ARMC9: variants seen among roughly 807,000 people sequenced by gnomAD.
The protein encoded by ARMC9 is lisH domain-containing protein ARMC9.
ARMC9 carries 94 observed loss-of-function variants against 107.0 expected under a neutral mutation model. The observed-to-expected ratio is 0.88, with a 90% CI of 0.74 to 1.04. The LOEUF (loss-of-function observed/expected upper bound fraction) is 1.04, where lower values mean the gene tolerates loss of function less well. ARMC9 is among the 50% of genes least tolerant of loss of function. The probability of loss-of-function intolerance (pLI) is 0.00; values close to 1 mark genes in which losing one functional copy is unlikely to be tolerated. For synonymous variants in ARMC9, 380 were observed against 396.9 expected (o/e 0.96, Z 0.51); for missense variants, 942 against 1,030.1 (o/e 0.91, Z 1.17).
chr2:231,279,148 G>A (rs1466240165), intron 16 of ARMC9, among the ~76,000 whole-genome samples: 1 of 152,160 alleles, frequency 6.6e-6, no homozygotes, highest in Non-Finnish European at 1.5e-5. Context: ...TCAGTTTCAG[G>A]TCACTGAGTC....
chr2:231,357,177 C>T (rs1266352989), intron 22 of ARMC9, among the ~76,000 whole-genome samples: 1 of 152,152 alleles, frequency 6.6e-6, no homozygotes, highest in African/African-American at 2.4e-5. Context: ...AAGTCTGGGC[C>T]CAGGCACATT....
chr2:231,258,101 C>G (rs1237155324), intron 10 of ARMC9, among the ~76,000 whole-genome samples: 1 of 152,312 alleles, frequency 6.6e-6, no homozygotes, highest in East Asian at 1.9e-4. Context: ...CAACCCATCT[C>G]CTGCCTATGT....
At chr2:231,252,243 T>C (rs1389939743) in intron 9 of ARMC9, among the ~76,000 whole-genome samples, 1 of 152,194 alleles carries the variant, frequency 6.6e-6, no homozygotes, top group Non-Finnish European at 1.5e-5. Context: ...CTTTATATAT[T>C]ATGGTAATAT....
At chr2:231,209,783 G>A (rs922121021) in intron 3 of ARMC9, among the ~76,000 whole-genome samples, 4 of 152,082 alleles carry the variant, frequency 2.6e-5, no homozygotes, top group African/African-American at 9.7e-5. Context: ...TGATCCACCC[G>A]CCTCAGCCTT....
At chr2:231,243,359 G>A (rs1452093924) in intron 9 of ARMC9, among the ~76,000 whole-genome samples, 3 of 152,160 alleles carry the variant, frequency 2.0e-5, no homozygotes, top group Admixed American at 6.5e-5. Context: ...GCTACAGCAA[G>A]AGGAGATCGC....
At chr2:231,215,048 AAC>A in intron 4 of ARMC9, 47 bp downstream of exon 4, 1 of 1,586,326 alleles carries the variant, frequency 6.3e-7, no homozygotes, top group Non-Finnish European at 8.6e-7. Flanking sequence ...TGTGTTAAGG[AAC>A]AGTGTTTGCT....
At chr2:231,320,953 G>A (rs1234374347) in intron 19 of ARMC9, among the ~76,000 whole-genome samples, 1 of 152,208 alleles carries the variant, frequency 6.6e-6, no homozygotes, top group Non-Finnish European at 1.5e-5. Context: ...TCAGTGACTG[G>A]CAGAATCTGA....
At chr2:231,213,378 C>T (rs554366523) in intron 3 of ARMC9, among the ~76,000 whole-genome samples, 2 of 151,406 alleles carry the variant, frequency 1.3e-5, no homozygotes, top group Non-Finnish European at 2.9e-5. Context: ...TGTCCAGGCT[C>T]GTCTTGAGCT....
intron 7 of ARMC9, among the ~76,000 whole-genome samples, chr2:231,234,151 T>C (rs920783153): frequency 4.6e-5 from 7 of 152,212 alleles, no homozygotes; most frequent in Non-Finnish European, 8.8e-5. Flanking sequence ...ATCAGGACAA[T>C]AGTGAGTTAC....
At chr2:231,311,718 C>T (rs1021551485) in intron 19 of ARMC9, among the ~76,000 whole-genome samples, 3 of 144,338 alleles carry the variant, frequency 2.1e-5, no homozygotes, top group Non-Finnish European at 4.5e-5. Context: ...CTCAGTGAGC[C>T]GAGATCGTGC....
At chr2:231,281,930 A>G in intron 16 of ARMC9, 129 bp from the exon 17 acceptor site, 1 of 813,082 alleles carries the variant, frequency 1.2e-6, no homozygotes, top group Admixed American at 1.9e-5. Context: ...CCTGGAGCAC[A>G]GGAGAGCTGC....
chr2:231,309,255 G>A (rs751852125), intron 19 of ARMC9, among the ~76,000 whole-genome samples: 16 of 152,284 alleles, frequency 1.1e-4, no homozygotes, highest in Non-Finnish European at 2.1e-4. Flanking sequence ...GTGAGGGCTT[G>A]TAGACACCTC....
intron 7 of ARMC9, among the ~76,000 whole-genome samples, chr2:231,227,888 A>G (rs1227434951): frequency 6.6e-6 from 1 of 152,190 alleles, no homozygotes; most frequent in Non-Finnish European, 1.5e-5. Context: ...TCTGTCGCTC[A>G]GAGGGGACAG....
intron 18 of ARMC9, among the ~76,000 whole-genome samples, chr2:231,292,304 G>C (rs894278189): frequency 3.3e-5 from 5 of 151,922 alleles, no homozygotes; most frequent in African/African-American, 9.7e-5. Context: ...CCCTAACCTT[G>C]TAAGTTCTCT....
chr2:231,256,029 G>A, intron 9 of ARMC9: 1 of 1,425,594 alleles, frequency 7.0e-7, no homozygotes, highest in Non-Finnish European at 9.4e-7. Flanking sequence ...GACAGAGCAA[G>A]ACTCAGTCTC....
chr2:231,356,593 A>C (rs568731682), intron 22 of ARMC9, among the ~76,000 whole-genome samples: 25 of 152,222 alleles, frequency 1.6e-4, no homozygotes, highest in Non-Finnish European at 3.4e-4. Flanking sequence ...AACATCTGAG[A>C]ACTTGCATCT....
intron 21 of ARMC9, among the ~76,000 whole-genome samples, chr2:231,346,264 G>A (rs1243861349): frequency 6.6e-6 from 1 of 152,200 alleles, no homozygotes; most frequent in Non-Finnish European, 1.5e-5. Flanking sequence ...GCTCACACCT[G>A]TAATCCCAGC....
intron 17 of ARMC9, among the ~76,000 whole-genome samples, chr2:231,291,095 T>C (rs543302728): frequency 2.5e-4 from 38 of 152,190 alleles, no homozygotes; most frequent in Admixed American, 8.5e-4. Context: ...GTGGGACCAG[T>C]TGGACACTTG....
At chr2:231,261,637 T>A (rs1018403823) in intron 11 of ARMC9, among the ~76,000 whole-genome samples, 3 of 152,194 alleles carry the variant, frequency 2.0e-5, no homozygotes, top group Non-Finnish European at 2.9e-5. Context: ...TCCCCTGTGC[T>A]GGTTAATAGG....
Sources: gnomAD v4.1 joint callset for allele counts (sites outside exome capture counted in the v4.1 genomes callset) on GRCh38, gnomAD v4.1.1 for gene constraint, MANE v1.5 for transcripts, NCBI Gene and HGNC (gene_info 2026-07-23, HGNC 2026-07-21) for gene names.